Variants in JMJD1C observed in about 807,000 individuals in gnomAD.
JMJD1C encodes jumonji domain-containing protein 1C.
Under a neutral mutation model 245.3 loss-of-function variants are expected in JMJD1C, and 31 were observed. The ratio of observed to expected loss-of-function variants is 0.13; its 90% CI spans 0.09 to 0.17. The LOEUF is 0.17. JMJD1C is among the 10% of genes least tolerant of loss of function. JMJD1C has a pLI of 1.00. For missense variants in JMJD1C, 2,691 were observed against 3,000.2 expected, an observed-to-expected ratio of 0.90 and a Z score of 2.41; for synonymous variants, 1,057 against 1,017.4, an observed-to-expected ratio of 1.04 and a Z score of -0.74.
intron 3 of JMJD1C, among the ~76,000 whole-genome samples, chr10:63,241,581 C>T (rs1851489605): frequency 6.6e-6 from 1 of 151,918 alleles, no homozygotes; most frequent in Admixed American, 6.6e-5. Flanking sequence ...TTTAATTTAC[C>T]CTTATAGCCT....
intron 2 of JMJD1C, among the ~76,000 whole-genome samples, chr10:63,337,962 A>G (rs374194525): frequency 8.5e-5 from 13 of 152,376 alleles, no homozygotes; most frequent in African/African-American, 2.4e-4. Context: ...AAGTAAAACT[A>G]TAAGAGGTTA....
chr10:63,357,136 T>C (rs1482947535), intron 2 of JMJD1C, among the ~76,000 whole-genome samples: 1 of 150,616 alleles, frequency 6.6e-6, no homozygotes, highest in African/African-American at 2.5e-5. Context: ...TGGGTTCCAG[T>C]GATTCTCCTG....
upstream of JMJD1C, among the ~76,000 whole-genome samples, chr10:63,467,825 A>G (rs1306162470): frequency 6.6e-6 from 1 of 152,232 alleles, no homozygotes; most frequent in Non-Finnish European, 1.5e-5. Context: ...GACCATGGGC[A>G]TGATGCAATT....
chr10:63,177,466 C>T (rs1415818308), intron 23 of JMJD1C: 1 of 459,018 alleles, frequency 2.2e-6, no homozygotes, highest in African/African-American at 2.0e-5. Flanking sequence ...ACAGATCAGT[C>T]TTTTATTAAC....
At chr10:63,219,116 T>C (rs1848317076) in intron 4 of JMJD1C, among the ~76,000 whole-genome samples, 1 of 152,160 alleles carries the variant, frequency 6.6e-6, no homozygotes, top group Admixed American at 6.5e-5. Flanking sequence ...TTTGAAATTC[T>C]CCACAGAAAA....
rs562814281 is a variant in JMJD1C, at chr10:63,453,932, A to G, written c.168+11563T>C. 2.8e-4 allele frequency among the ~76,000 whole-genome samples: 43 copies of G among 152,278 alleles called. No homozygotes were observed. The South Asian group carries it at 5.6e-3, about 20-fold the overall frequency. On this transcript the variant is annotated intron_variant, in intron 1 of 25. Transcript: ENST00000399262. The stretch of plus-strand genomic sequence containing the variant: ...GAGACTGGGTTTCACCATGTTGGCC[A>G]GGCTGGTCTTGAACTCCTGACCTCA...
At chr10:63,201,147 T>C (rs577768288) in intron 10 of JMJD1C, among the ~76,000 whole-genome samples, 109 of 152,312 alleles carry the variant, frequency 7.2e-4, no homozygotes, top group African/African-American at 2.4e-3. Flanking sequence ...CGTATTTCTA[T>C]TGAAATACAT....
chr10:63,278,936 C>T (rs1446813541), intron 2 of JMJD1C, among the ~76,000 whole-genome samples: 1 of 151,892 alleles, frequency 6.6e-6, no homozygotes, highest in Non-Finnish European at 1.5e-5. Flanking sequence ...AAAGCTATCT[C>T]TATTTTCAAA....
At chr10:63,175,921 A>G (rs1842826784) in intron 24 of JMJD1C, among the ~76,000 whole-genome samples, 1 of 152,180 alleles carries the variant, frequency 6.6e-6, no homozygotes, top group Non-Finnish European at 1.5e-5. Flanking sequence ...CTGATATGCT[A>G]GCATGCTGAA....
At chr10:63,203,502 T>C (rs539308195) in intron 10 of JMJD1C, 2 of 981,784 alleles carry the variant, frequency 2.0e-6, no homozygotes, top group East Asian at 1.1e-4. Flanking sequence ...TTTTTGGAGA[T>C]AGAGAAATTA....
At chr10:63,240,707 GA>G (rs1209136912) in intron 3 of JMJD1C, among the ~76,000 whole-genome samples, 2 of 152,092 alleles carry the variant, frequency 1.3e-5, no homozygotes, top group African/African-American at 4.8e-5. Flanking sequence ...ATAATGAAAA[GA>G]AAAGCAATGA....
At chr10:63,330,008 C>T (rs1221399417) in intron 2 of JMJD1C, among the ~76,000 whole-genome samples, 1 of 152,220 alleles carries the variant, frequency 6.6e-6, no homozygotes, top group Non-Finnish European at 1.5e-5. Flanking sequence ...TCAAGAGATT[C>T]TCGTGTCTCA....
intron 3 of JMJD1C, among the ~76,000 whole-genome samples, chr10:63,236,006 A>G (rs1373465343): frequency 2.6e-5 from 4 of 152,242 alleles, no homozygotes; most frequent in Non-Finnish European, 5.9e-5. Context: ...AGAAATGGAT[A>G]TCATAAATAG....
chr10:63,314,670 G>A (rs537945464), intron 2 of JMJD1C, among the ~76,000 whole-genome samples: 1 of 148,114 alleles, frequency 6.8e-6, no homozygotes, highest in Admixed American at 6.7e-5. Flanking sequence ...TATTTGAGAT[G>A]CGAGTTTCAC....
At chr10:63,412,930 C>T (rs953150329) in intron 1 of JMJD1C, among the ~76,000 whole-genome samples, 5 of 152,110 alleles carry the variant, frequency 3.3e-5, no homozygotes, top group Middle Eastern at 3.4e-3. Context: ...AAGTTCAAAC[C>T]CACATTGTTC....
At chr10:63,309,354 C>T (rs1195838150) in intron 2 of JMJD1C, among the ~76,000 whole-genome samples, 1 of 150,722 alleles carries the variant, frequency 6.6e-6, no homozygotes, top group African/African-American at 2.4e-5. Context: ...ATTAACCAGG[C>T]GTGGTGGCAG....
Position 63,335,048 on chromosome 10 carries a change from A to AAAGC in JMJD1C, c.333+45269_333+45270insGCTT, listed in dbSNP as rs1255231713. 1.4e-5 allele frequency among the ~76,000 whole-genome samples: 2 copies of AAAGC among 140,726 alleles called. 1 individual carries two copies. The highest frequency in any genetic ancestry group is 5.3e-5 in the African/African-American group (2 of 38,034). The allele number at this position is 140,726 out of a possible 152,430, so 92.3% of individuals were successfully genotyped here. A position where few individuals can be genotyped will look rare whatever the true frequency, so the allele number is the denominator to read the frequency against. On this transcript the variant is annotated intron_variant, in intron 2 of 25. Coordinates refer to ENST00000399262, the MANE Select transcript of JMJD1C (RefSeq NM_032776.3). ...GAAAAAAATAAAAAAAAAAAAAAATATTGTTCCTAACTAAGGAGTTCCAGT... is the reference window on the plus strand; with the variant it reads ...GAAAAAAATAAAAAAAAAAAAAAATAAAGCTTGTTCCTAACTAAGGAGTTCCAGT...
At chr10:63,202,949 A>T in intron 10 of JMJD1C, 1 of 983,672 alleles carries the variant, frequency 1.0e-6, no homozygotes, top group Non-Finnish European at 1.2e-6. Flanking sequence ...TATGCCTTTA[A>T]TTCCAGATAA....
intron 1 of JMJD1C, among the ~76,000 whole-genome samples, chr10:63,412,570 T>C (rs866536806): frequency 6.6e-6 from 1 of 152,208 alleles, no homozygotes; most frequent in Admixed American, 6.5e-5. Context: ...GCTAAAAACC[T>C]ATCACAGCAT....
Sources: allele counts gnomAD v4.1 joint callset (sites outside exome capture counted in the v4.1 genomes callset), GRCh38; gene constraint gnomAD v4.1.1; transcripts MANE v1.5; gene names NCBI Gene and HGNC (gene_info 2026-07-23, HGNC 2026-07-21).